Variants in ATP6V0E1 observed in about 807,000 individuals in gnomAD.
ATP6V0E1 encodes the protein ATPase H+ transporting V0 subunit e1, also known as V-type proton ATPase subunit e 1.
Under a neutral mutation model 11.6 loss-of-function variants are expected in ATP6V0E1, and 4 were observed. The ratio of observed to expected loss-of-function variants is 0.35; its 90% CI spans 0.17 to 0.79. The LOEUF (loss-of-function observed/expected upper bound fraction) is 0.79, where lower values mean the gene tolerates loss of function less well. ATP6V0E1 is among the 30% of genes least tolerant of loss of function. The pLI is 0.54. For missense variants in ATP6V0E1, 105 were observed against 100.0 expected, an observed-to-expected ratio of 1.05 and a Z score of -0.21; for synonymous variants, 36 against 34.8, an observed-to-expected ratio of 1.04 and a Z score of -0.13.
chr5:172,993,381 T>C (rs1359247292), intron 1 of ATP6V0E1, among the ~76,000 whole-genome samples: 2 of 150,418 alleles, frequency 1.3e-5, no homozygotes, highest in African/African-American at 4.9e-5. Flanking sequence ...TGGTGGTGCA[T>C]GCCCATAATC....
chr5:173,025,102 A>G (rs1185534753), intron 3 of ATP6V0E1, among the ~76,000 whole-genome samples: 1 of 147,714 alleles, frequency 6.8e-6, no homozygotes, highest in Non-Finnish European at 1.5e-5. Flanking sequence ...CAGCCTCCCA[A>G]AGTGCTAGGA....
At chr5:173,028,868 G>A (rs1207598500) in intron 3 of ATP6V0E1, among the ~76,000 whole-genome samples, 1 of 152,182 alleles carries the variant, frequency 6.6e-6, no homozygotes, top group African/African-American at 2.4e-5. Flanking sequence ...TTTTGTTGAT[G>A]TTCACTTTCC....
intron 1 of ATP6V0E1, among the ~76,000 whole-genome samples, chr5:172,985,244 C>CAAAA (rs59381222): frequency 1.1e-5 from 1 of 89,432 alleles, no homozygotes; most frequent in Admixed American, 1.0e-4. Context: ...GACTCCGTCT[C>CAAAA]AAAAAAAAAA....
chr5:173,033,713 G>A (rs1014262387), intron 3 of ATP6V0E1, among the ~76,000 whole-genome samples: 2 of 151,994 alleles, frequency 1.3e-5, no homozygotes, highest in East Asian at 1.9e-4. Flanking sequence ...ATGTGTTGGC[G>A]TGCACCTGTA....
chr5:172,990,053 G>T (rs979918311), intron 1 of ATP6V0E1, among the ~76,000 whole-genome samples: 1 of 152,130 alleles, frequency 6.6e-6, no homozygotes, highest in African/African-American at 2.4e-5. Context: ...GCCTATGCTG[G>T]TCTTGAACTC....
At chr5:173,000,551 C>T (rs508152) in intron 2 of ATP6V0E1, among the ~76,000 whole-genome samples, 1,826 of 152,182 alleles carry the variant, frequency 0.012, 34 homozygotes, top group African/African-American at 0.041. Flanking sequence ...AAAATAAATA[C>T]TATCTAAGAA....
At chr5:173,031,197 G>A (rs1229634186) in intron 3 of ATP6V0E1, among the ~76,000 whole-genome samples, 1 of 151,760 alleles carries the variant, frequency 6.6e-6, no homozygotes, top group African/African-American at 2.4e-5. Context: ...GCCCGCCTCG[G>A]CTTCCCAAAG....
chr5:172,988,104 CACAA>C (rs1375215427), intron 1 of ATP6V0E1, among the ~76,000 whole-genome samples: 1 of 152,042 alleles, frequency 6.6e-6, no homozygotes, highest in Non-Finnish European at 1.5e-5. Flanking sequence ...AAAACTAAAA[CACAA>C]ACATATTATT....
At chr5:172,992,723 G>A (rs1354311048) in intron 1 of ATP6V0E1, among the ~76,000 whole-genome samples, 2 of 152,118 alleles carry the variant, frequency 1.3e-5, no homozygotes, top group Admixed American at 6.6e-5. Flanking sequence ...ATTGTTGTTT[G>A]TTGTGTGTTC....
At chr5:173,032,589 C>G (rs929709728) in intron 3 of ATP6V0E1, among the ~76,000 whole-genome samples, 1 of 152,092 alleles carries the variant, frequency 6.6e-6, no homozygotes, top group Non-Finnish European at 1.5e-5. Flanking sequence ...CTGTGCCCGG[C>G]CTACATTTAT....
chr5:173,009,456 C>CTTTTTTTTTTTTTTTTTTTTTTTTT (rs920585185), intron 2 of ATP6V0E1, among the ~76,000 whole-genome samples: 1 of 105,210 alleles, frequency 9.5e-6, no homozygotes, highest in African/African-American at 3.9e-5. Flanking sequence ...AGCCACTTCC[C>CTTTTTTTTTTTTTTTTTTTTTTTTT]TTTTTTTTTT....
At chr5:172,998,190 C>CTT (rs999790390) in intron 2 of ATP6V0E1, among the ~76,000 whole-genome samples, 10,441 of 104,798 alleles carry the variant, frequency 0.1, 581 homozygotes, top group African/African-American at 0.17. Context: ...AAAATTTAGT[C>CTT]TTTTTTTTTT....
chr5:173,025,652 G>A (rs773291043), intron 3 of ATP6V0E1, among the ~76,000 whole-genome samples: 19 of 149,686 alleles, frequency 1.3e-4, no homozygotes, highest in Non-Finnish European at 1.9e-4. Context: ...GTGACACCAC[G>A]CCTGGCTAAT....
At chr5:173,032,788 G>A (rs1756683569) in intron 3 of ATP6V0E1, among the ~76,000 whole-genome samples, 1 of 152,078 alleles carries the variant, frequency 6.6e-6, no homozygotes, top group African/African-American at 2.4e-5. Flanking sequence ...CACTACTTCA[G>A]TATTCTCAGA....
At chr5:173,026,544 CACA>C (rs1368758795) in intron 3 of ATP6V0E1, among the ~76,000 whole-genome samples, 1 of 152,128 alleles carries the variant, frequency 6.6e-6, no homozygotes, top group Non-Finnish European at 1.5e-5. Context: ...TACACACATA[CACA>C]CTGCTGTTAC....
chr5:172,996,410 A>G (rs755565919), intron 2 of ATP6V0E1, among the ~76,000 whole-genome samples: 13 of 152,102 alleles, frequency 8.5e-5, no homozygotes, highest in Non-Finnish European at 7.4e-5. Context: ...ATACAAAAAA[A>G]AATTAGCTGG....
chr5:172,997,164 C>T (rs1756078372), intron 2 of ATP6V0E1, among the ~76,000 whole-genome samples: 1 of 151,996 alleles, frequency 6.6e-6, no homozygotes, highest in Admixed American at 6.6e-5. Context: ...TTAAACATAC[C>T]AGTGAGAATC....
At chr5:173,023,702 A>G (rs1003841242) in intron 3 of ATP6V0E1, among the ~76,000 whole-genome samples, 1 of 152,144 alleles carries the variant, frequency 6.6e-6, no homozygotes, top group Admixed American at 6.6e-5. Context: ...AAAATTAGCC[A>G]GGCAAGGTGG....
intron 1 of ATP6V0E1, chr5:172,986,537 G>A (rs1305867838): frequency 8.0e-6 from 2 of 249,474 alleles, no homozygotes; most frequent in African/African-American, 2.3e-5. Flanking sequence ...TGAGGGGGAT[G>A]GGAGTGTTTG....
Sources: allele counts gnomAD v4.1 joint callset (sites outside exome capture counted in the v4.1 genomes callset), GRCh38; gene constraint gnomAD v4.1.1; transcripts MANE v1.5; gene names NCBI Gene and HGNC (gene_info 2026-07-23, HGNC 2026-07-21).